ERBB4: variants seen among roughly 807,000 people sequenced by gnomAD.
ERBB4 encodes receptor tyrosine-protein kinase erbB-4.
A neutral mutation model predicts 158.0 loss-of-function variants in ERBB4; 42 were observed. The observed-to-expected ratio is 0.27, with a 90% CI of 0.21 to 0.34. The LOEUF (loss-of-function observed/expected upper bound fraction) is 0.34. Among genes scored for constraint, ERBB4 ranks in the 10% least tolerant of loss-of-function variants. The probability of loss-of-function intolerance (pLI) is 1.00; values close to 1 mark genes in which losing one functional copy is unlikely to be tolerated. For synonymous variants in ERBB4, 583 were observed against 558.7 expected (o/e 1.04, Z -0.61); for missense variants, 1,333 against 1,624.1 (o/e 0.82, Z 3.08).
chr2:212,031,560 C>T (rs1279723343), intron 2 of ERBB4, among the ~76,000 whole-genome samples: 1 of 152,128 alleles, frequency 6.6e-6, no homozygotes, highest in Non-Finnish European at 1.5e-5. Context: ...GATTTGTAAA[C>T]AATCACACTA....
chr2:212,102,323 A>AT (rs1427073381), intron 2 of ERBB4, among the ~76,000 whole-genome samples: 1 of 151,624 alleles, frequency 6.6e-6, no homozygotes, highest in African/African-American at 2.4e-5. Flanking sequence ...AAATCAAATT[A>AT]TTTTATCTCA....
chr2:211,701,148 A>C (rs910003094), intron 12 of ERBB4, among the ~76,000 whole-genome samples: 1 of 152,222 alleles, frequency 6.6e-6, no homozygotes. Context: ...AAAATGATAT[A>C]CATGTCTACA....
chr2:211,708,612 T>TTCTC (rs60948715), intron 9 of ERBB4, among the ~76,000 whole-genome samples: 12,227 of 116,384 alleles, frequency 0.11, 521 homozygotes, highest in South Asian at 0.13. Context: ...GTTTCCATCC[T>TTCTC]TCTCTCTCTC....
intron 1 of ERBB4, among the ~76,000 whole-genome samples, chr2:212,528,135 T>C (rs1692552552): frequency 6.6e-6 from 1 of 152,104 alleles, no homozygotes; most frequent in South Asian, 2.1e-4. Flanking sequence ...GATAGATTTA[T>C]TAGACAAGTT....
rs114611306 is a variant in ERBB4, at chr2:212,381,818, T to C, written c.82+156631A>G. Among the ~76,000 whole-genome samples the C allele has an allele frequency of 2.4e-3, 356 of 151,468 alleles. 2 individuals carry two copies. Among genetic ancestry groups the C allele is most frequent in the Non-Finnish European group, 3.7e-3 (251 of 67,482 alleles). On this transcript the variant is annotated intron_variant, in intron 1 of 27. Coordinates refer to ENST00000342788, the MANE Select transcript of ERBB4 (RefSeq NM_005235.3). ...AAAAAGTCAAAGCTCAGAATTGTAA[T>C]TATTTTTTGATATTTCAACTACCCA...
intron 1 of ERBB4, among the ~76,000 whole-genome samples, chr2:212,218,315 T>C (rs1051609896): frequency 3.3e-5 from 5 of 151,384 alleles, no homozygotes; most frequent in African/African-American, 1.2e-4. Flanking sequence ...AGGCCATTTA[T>C]TCCTTCCATA....
chr2:212,126,137 A>G (rs1394994126), intron 1 of ERBB4, among the ~76,000 whole-genome samples: 2 of 152,126 alleles, frequency 1.3e-5, no homozygotes, highest in Admixed American at 6.5e-5. Context: ...TTCCTATGTG[A>G]GCACACAAGT....
At chr2:212,279,909 G>C (rs1467775677) in intron 1 of ERBB4, among the ~76,000 whole-genome samples, 1 of 151,486 alleles carries the variant, frequency 6.6e-6, no homozygotes, top group Non-Finnish European at 1.5e-5. Context: ...AAGTGTGAAA[G>C]AGAAATGTAA....
In ERBB4 at chr2:211,655,341, T is replaced by C. The variant is rs142495771; in HGVS notation, c.1946+2413A>G. Among the ~76,000 whole-genome samples the C allele has an allele frequency of 4.0e-3, 608 of 152,260 alleles. 3 individuals are homozygous for C. The highest frequency in any genetic ancestry group is 0.014 in the African/African-American group (576 of 41,548). On this transcript the variant is annotated intron_variant, in intron 16 of 27. Coordinates refer to ENST00000342788, the MANE Select transcript of ERBB4 (RefSeq NM_005235.3). ...CCTCAAGGTTTGAGAATTTTTGATG[T>C]ACAGAAAGATAATAAATAATAACAC...
intron 1 of ERBB4, among the ~76,000 whole-genome samples, chr2:212,481,312 G>C (rs1160299036): frequency 6.6e-6 from 1 of 151,944 alleles, no homozygotes; most frequent in East Asian, 1.9e-4. Flanking sequence ...TAATGCATTA[G>C]TATGTTAAAC....
chr2:212,459,198 GTTTT>G (rs767056723), intron 1 of ERBB4, among the ~76,000 whole-genome samples: 1 of 150,716 alleles, frequency 6.6e-6, no homozygotes, highest in Non-Finnish European at 1.5e-5. Flanking sequence ...TCTTTGAGTT[GTTTT>G]TTTTTATTTT....
intron 1 of ERBB4, among the ~76,000 whole-genome samples, chr2:212,192,055 G>A (rs771614264): frequency 0.14 from 13,437 of 94,932 alleles, 1,081 homozygotes; most frequent in Non-Finnish European, 0.21. Context: ...TATGTTATAT[G>A]TTATATATGT....
chr2:212,009,055 TTATATGTTTTTCTAAACAGAAATTTTAG>T (rs2076321044), intron 2 of ERBB4, among the ~76,000 whole-genome samples: 3 of 1,338 alleles, frequency 2.2e-3, no homozygotes, highest in Non-Finnish European at 7.4e-3. Context: ...GAAATTTTAG[TTATATGTTTTTCTAAACAGAAATTTTAG>T]TTATATGTTT....
chr2:211,829,247 A>G (rs1399371171), intron 3 of ERBB4, among the ~76,000 whole-genome samples: 2 of 152,092 alleles, frequency 1.3e-5, no homozygotes, highest in East Asian at 3.9e-4. Context: ...TTTCAGTTAT[A>G]TGTACTTTCA....
chr2:212,036,816 A>G (rs2077025526), intron 2 of ERBB4, among the ~76,000 whole-genome samples: 1 of 149,520 alleles, frequency 6.7e-6, no homozygotes, highest in Non-Finnish European at 1.5e-5. Flanking sequence ...AGATTCTATT[A>G]AAAAAATACT....
rs1171513532 is a variant in ERBB4 at position 211,745,724 on chromosome 2, C to CAAA, written c.622+4912_622+4914dup. Among the ~76,000 whole-genome samples, 12 of 84,536 alleles carry CAAA rather than the reference C, an allele frequency of 1.4e-4. 1 individual carries two copies. Among genetic ancestry groups the CAAA allele is most frequent in the African/African-American group, 4.6e-4 (12 of 26,102 alleles). The allele number at this position is 84,536 out of a possible 152,430, so 55.5% of individuals were successfully genotyped here. A position where few individuals can be genotyped will look rare whatever the true frequency, so the allele number is the denominator to read the frequency against. ...CCACCCTCCACCGCCAGAAAAAAAA[C>CAAA]AAAAACAAAACAAAAAAAACCCTTA... On this transcript the variant is annotated intron_variant, in intron 5 of 27. Coordinates refer to ENST00000342788, the MANE Select transcript of ERBB4 (RefSeq NM_005235.3).
chr2:211,644,510 G>A (rs879727247), intron 16 of ERBB4, among the ~76,000 whole-genome samples: 3 of 151,698 alleles, frequency 2.0e-5, no homozygotes, highest in African/African-American at 4.8e-5. Context: ...ATAATGCCAA[G>A]ACAACTTTAT....
intron 5 of ERBB4, among the ~76,000 whole-genome samples, chr2:211,731,409 G>T (rs897418450): frequency 3.3e-5 from 5 of 152,054 alleles, no homozygotes; most frequent in Non-Finnish European, 5.9e-5. Flanking sequence ...ACTGTTTCCA[G>T]TTACATACTT....
chr2:211,880,299 A>G (rs1406943059), intron 3 of ERBB4, among the ~76,000 whole-genome samples: 1 of 152,166 alleles, frequency 6.6e-6, no homozygotes, highest in Non-Finnish European at 1.5e-5. Context: ...TTCATTAAAA[A>G]TATCTATTAG....
Sources: allele counts gnomAD v4.1 joint callset (sites outside exome capture counted in the v4.1 genomes callset), GRCh38; gene constraint gnomAD v4.1.1; transcripts MANE v1.5; gene names NCBI Gene and HGNC (gene_info 2026-07-23, HGNC 2026-07-21).